AMOTL1: variants seen among roughly 807,000 people sequenced by gnomAD.
AMOTL1 encodes angiomotin like 1.
AMOTL1 carries 45 observed loss-of-function variants against 102.9 expected under a neutral mutation model. The observed-to-expected ratio is 0.44, with a 90% CI of 0.34 to 0.56. The LOEUF is 0.56. Among genes scored for constraint, AMOTL1 ranks in the 20% least tolerant of loss-of-function variants. The probability of loss-of-function intolerance (pLI) is 0.01; values close to 1 mark genes in which losing one functional copy is unlikely to be tolerated. For missense variants in AMOTL1, 1,114 were observed against 1,225.6 expected (o/e 0.91, Z 1.36); for synonymous variants, 481 against 484.7 (o/e 0.99, Z 0.10).
At chr11:94,814,246 G>C (rs1951729348) in intron 3 of AMOTL1, among the ~76,000 whole-genome samples, 1 of 152,174 alleles carries the variant, frequency 6.6e-6, no homozygotes, top group South Asian at 2.1e-4. Context: ...ATGGTGACTA[G>C]TTACCTGAAT....
At chr11:94,774,713 T>C (rs1340169061) in intron 1 of AMOTL1, among the ~76,000 whole-genome samples, 1 of 152,170 alleles carries the variant, frequency 6.6e-6, no homozygotes, top group Non-Finnish European at 1.5e-5. Context: ...TTCTAACACG[T>C]TTCCAAGCAA....
Position 94,873,781 on chromosome 11 carries a change from A to ACACACG in AMOTL1, c.*2991_*2992insGCACAC, listed in dbSNP as rs542380013. Reference sequence around the variant, plus strand: ...TGTGTGTGTGCACGTGTAACTACACACACACACACACACACACACACACAC... The same window carrying ACACACG: ...TGTGTGTGTGCACGTGTAACTACACACACACGCACACACACACACACACACACACAC... On this transcript the variant is annotated 3_prime_UTR_variant, in exon 13 of 13. Transcript: ENST00000433060. 5,891 of 119,504 alleles carry ACACACG rather than the reference A, an allele frequency of 0.049. 127 individuals are homozygous for ACACACG. Among genetic ancestry groups the ACACACG allele is most frequent in the Middle Eastern group, 0.082 (20 of 244 alleles). The allele number at this position is 119,504 out of a possible 1,614,324, so 7.4% of individuals were successfully genotyped here. A position where few individuals can be genotyped will look rare whatever the true frequency, so the allele number is the denominator to read the frequency against.
intron 1 of AMOTL1, among the ~76,000 whole-genome samples, chr11:94,714,241 G>A (rs1287147026): frequency 2.0e-5 from 3 of 151,940 alleles, no homozygotes; most frequent in Non-Finnish European, 4.4e-5. Flanking sequence ...ATCTCATTTG[G>A]TCATGGCTTA....
At chr11:94,735,527 T>C (rs1345042038) in intron 2 of AMOTL1, among the ~76,000 whole-genome samples, 4 of 152,200 alleles carry the variant, frequency 2.6e-5, no homozygotes, top group Non-Finnish European at 5.9e-5. Context: ...TGATAAGACT[T>C]TTCTTCTATG....
intron 6 of AMOTL1, among the ~76,000 whole-genome samples, chr11:94,835,488 C>T (rs1453534780): frequency 6.6e-6 from 1 of 152,178 alleles, no homozygotes; most frequent in African/African-American, 2.4e-5. Context: ...GCAGAATTCC[C>T]ATCAGCTCTA....
intron 3 of AMOTL1, among the ~76,000 whole-genome samples, chr11:94,753,305 G>GTT (rs1565339509): frequency 7.3e-6 from 1 of 137,466 alleles, no homozygotes; most frequent in African/African-American, 2.7e-5. Flanking sequence ...CTGCTTTCCT[G>GTT]CTTTTTTTTT....
chr11:94,825,527 T>A (rs1051828772), intron 4 of AMOTL1, among the ~76,000 whole-genome samples: 5 of 152,162 alleles, frequency 3.3e-5, no homozygotes, highest in Non-Finnish European at 7.4e-5. Flanking sequence ...TTGAGTGTAT[T>A]TCTGTGATTG....
At chr11:94,716,876 G>A (rs1257927464) in intron 1 of AMOTL1, among the ~76,000 whole-genome samples, 1 of 152,148 alleles carries the variant, frequency 6.6e-6, no homozygotes, top group Admixed American at 6.5e-5. Flanking sequence ...TCAGTCTGCT[G>A]TGCTACTATT....
chr11:94,833,708 G>A (rs1952119796), intron 6 of AMOTL1, among the ~76,000 whole-genome samples: 1 of 152,206 alleles, frequency 6.6e-6, no homozygotes, highest in South Asian at 2.1e-4. Context: ...CTAGAGGCAA[G>A]GAGACTAGTT....
chr11:94,837,227 G>C (rs577599240), intron 6 of AMOTL1, among the ~76,000 whole-genome samples: 1 of 152,314 alleles, frequency 6.6e-6, no homozygotes, highest in Middle Eastern at 3.4e-3. Flanking sequence ...CAGGCTCAGA[G>C]ACCTGAAGTT....
chr11:94,850,970 G>A lies in AMOTL1; in HGVS notation c.1794+711G>A, dbSNP rs77039314. Among the ~76,000 whole-genome samples, 444 of 152,322 alleles carry A rather than the reference G, an allele frequency of 2.9e-3. 3 individuals carry two copies. Among genetic ancestry groups the A allele is most frequent in the African/African-American group, 0.01 (421 of 41,570 alleles). On this transcript the variant is annotated intron_variant, in intron 7 of 12. Coordinates refer to ENST00000433060, the MANE Select transcript of AMOTL1 (RefSeq NM_130847.3). ...GTCTCTTCAGAAAACCTCCCCCGAT[G>A]CTAAGTAACAGGGATGTTTCATCAG...
rs1193943141 is a variant in AMOTL1, at chr11:94,829,903, A to T, written c.1414-147A>T. On this transcript the variant is annotated intron_variant, in intron 4 of 12. Transcript: ENST00000433060. ...AGCAGGTGGGGGAGTGAAATCGATT[A>T]TACAGTTTGGTACACATGAAACTTG... 9.5e-6 allele frequency: 7 copies of T among 739,950 alleles called. No homozygotes were observed. In the East Asian group the frequency reaches 2.0e-4, roughly 21 times the overall value. The allele number at this position is 739,950 out of a possible 1,614,324, so 45.8% of individuals were successfully genotyped here.
At chr11:94,844,850 A>T (rs372266432) in intron 6 of AMOTL1, among the ~76,000 whole-genome samples, 1 of 151,820 alleles carries the variant, frequency 6.6e-6, no homozygotes, top group African/African-American at 2.4e-5. Context: ...CCTACCAAGC[A>T]CTCCAGTGAC....
At chr11:94,850,310 G>C (rs779958474) in intron 7 of AMOTL1, 51 bp downstream of exon 7, 2 of 1,525,318 alleles carry the variant, frequency 1.3e-6, no homozygotes, top group Non-Finnish European at 1.8e-6. Context: ...GCAGAGCCCA[G>C]AGGGCTTCCA....
chr11:94,834,028 T>A (rs540955045), intron 6 of AMOTL1, among the ~76,000 whole-genome samples: 60 of 152,252 alleles, frequency 3.9e-4, no homozygotes, highest in African/African-American at 1.3e-3. Context: ...GCAAAGATAC[T>A]CAGAAGGTTG....
At chr11:94,761,018 C>T (rs1010970793) in intron 3 of AMOTL1, among the ~76,000 whole-genome samples, 3 of 152,040 alleles carry the variant, frequency 2.0e-5, no homozygotes, top group African/African-American at 7.3e-5. Context: ...AAGCGATCTT[C>T]CCGTCTTGGC....
At chr11:94,726,477 C>G (rs569107320) in intron 1 of AMOTL1, among the ~76,000 whole-genome samples, 3 of 152,302 alleles carry the variant, frequency 2.0e-5, no homozygotes, top group Non-Finnish European at 4.4e-5. Context: ...AAGTGATTCT[C>G]AAAGCCAGAA....
intron 3 of AMOTL1, among the ~76,000 whole-genome samples, chr11:94,745,833 C>T (rs1027042837): frequency 6.6e-6 from 1 of 152,152 alleles, no homozygotes; most frequent in African/African-American, 2.4e-5. Context: ...GTTATCCCAC[C>T]TACTAATCAA....
At chr11:94,778,808 T>A (rs1951064509) in intron 1 of AMOTL1, among the ~76,000 whole-genome samples, 1 of 152,190 alleles carries the variant, frequency 6.6e-6, no homozygotes, top group Non-Finnish European at 1.5e-5. Flanking sequence ...GCACCTGGGC[T>A]GGGATGACTT....
Sources: allele counts gnomAD v4.1 joint callset (sites outside exome capture counted in the v4.1 genomes callset), GRCh38; gene constraint gnomAD v4.1.1; transcripts MANE v1.5; gene names NCBI Gene and HGNC (gene_info 2026-07-23, HGNC 2026-07-21).